Variants in ABCA10 observed in about 807,000 individuals in gnomAD.
ABCA10 encodes ATP binding cassette subfamily A member 10.
ABCA10 carries 169 observed loss-of-function variants against 187.5 expected under a neutral mutation model. That is an observed-to-expected ratio of 0.90 (90% CI 0.80 to 1.02). The LOEUF is 1.02. Among genes scored for constraint, ABCA10 ranks in the 50% least tolerant of loss-of-function variants. ABCA10 has a pLI of 0.00. For synonymous variants in ABCA10, 574 were observed against 601.8 expected, an observed-to-expected ratio of 0.95 and a Z score of 0.68; for missense variants, 1,727 against 1,812.4, an observed-to-expected ratio of 0.95 and a Z score of 0.86.
intron 1 of ABCA10, among the ~76,000 whole-genome samples, chr17:69,235,559 T>C (rs2074862711): frequency 6.6e-6 from 1 of 152,166 alleles, no homozygotes; most frequent in Non-Finnish European, 1.5e-5. Flanking sequence ...CTTCTTAGAC[T>C]GCCTTGCTGT....
At chr17:69,188,186 A>G (rs1323865652) in intron 18 of ABCA10, among the ~76,000 whole-genome samples, 2 of 152,166 alleles carry the variant, frequency 1.3e-5, no homozygotes, top group Admixed American at 6.5e-5. Flanking sequence ...GCAGAAGCAC[A>G]AAGACAAATT....
In ABCA10 at chr17:69,174,374, A is replaced by C; in HGVS notation, c.3069T>G (p.Cys1023Trp). The C allele has an allele frequency of 1.9e-6, 3 of 1,598,144 alleles. No homozygotes were observed. Among genetic ancestry groups the C allele is most frequent in the Non-Finnish European group, 2.6e-6 (3 of 1,175,352 alleles). ...ATGTGAGGAATATAAGAGAAACTGC[A>C]CAACCAATTATGCATACCACCTGCA... Reference protein sequence around the residue: ...MFVLVVCIIGCAVSLIFLTYV... With the variant: ...MFVLVVCIIGWAVSLIFLTYV... Residue 1023 changes from cysteine to tryptophan, a missense_variant, in exon 25 of 39, where the codon TGT (cysteine) becomes TGG (tryptophan). Transcript: ENST00000690296.
At chr17:69,225,773 A>G (rs983390963) in intron 2 of ABCA10, among the ~76,000 whole-genome samples, 3 of 152,094 alleles carry the variant, frequency 2.0e-5, no homozygotes, top group Non-Finnish European at 4.4e-5. Context: ...TAGCACCCCT[A>G]TTAGTGGGAC....
chr17:69,197,661 A>G (rs1182863694), intron 10 of ABCA10, among the ~76,000 whole-genome samples: 1 of 152,156 alleles, frequency 6.6e-6, no homozygotes, highest in African/African-American at 2.4e-5. Context: ...TCCTTATTTG[A>G]TATACTTCAT....
intron 25 of ABCA10, among the ~76,000 whole-genome samples, chr17:69,166,470 T>C (rs992744060): frequency 2.2e-4 from 34 of 152,190 alleles, no homozygotes; most frequent in African/African-American, 8.2e-4. Flanking sequence ...TATTTATGCA[T>C]CTGTCACTGT....
At chr17:69,201,786 A>G (rs1313468227) in intron 9 of ABCA10, 118 bp from the exon 10 acceptor site, 20 of 920,244 alleles carry the variant, frequency 2.2e-5, no homozygotes, top group Non-Finnish European at 3.0e-5. Context: ...GGGCATTTAT[A>G]TTTATAATTT....
chr17:69,176,821 A>G (rs981914975), intron 22 of ABCA10, among the ~76,000 whole-genome samples: 8 of 152,328 alleles, frequency 5.3e-5, no homozygotes, highest in Non-Finnish European at 8.8e-5. Flanking sequence ...TTTTTCAACC[A>G]TGGTTGACCA....
chr17:69,206,010 G>A (rs766112163), intron 9 of ABCA10, among the ~76,000 whole-genome samples: 35 of 152,084 alleles, frequency 2.3e-4, no homozygotes, highest in Non-Finnish European at 4.1e-4. Flanking sequence ...AATATCCCTA[G>A]AATTACCATA....
Position 69,182,680 on chromosome 17 carries a change from G to A in ABCA10, c.2626C>T (p.Gln876Ter), listed in dbSNP as rs749395115. Residue 876 changes from glutamine to a stop codon, truncating the protein, a stop_gained, in exon 21 of 39, where the codon CAG becomes TAG. Coordinates refer to ENST00000690296, the MANE Select transcript of ABCA10 (RefSeq NM_001377321.1). LOFTEE classifies it high-confidence loss of function. ...GTGCATAGAAGCAAACATACCTTCT[G>A]GTCACCAGACACTATGATGGCTCCA... is the stretch of plus-strand genomic sequence containing the variant. Reference protein sequence around the residue: ...YNGAIIVSGDQKDYRFSVACN... With the variant: ...YNGAIIVSGD 15 of 1,595,764 alleles carry A rather than the reference G, an allele frequency of 9.4e-6. No individual in the cohort carries two copies. In the East Asian group the frequency reaches 2.5e-4, roughly 26 times the overall value.
intron 27 of ABCA10, 87 bp downstream of exon 27, chr17:69,163,987 C>CA: frequency 1.0e-6 from 1 of 992,570 alleles, no homozygotes; most frequent in East Asian, 2.9e-5. Context: ...TATTTTAAGA[C>CA]ATTTAAATTT....
chr17:69,211,302 CATCATATATATGATATATATATATATAT>C (rs1457895368), intron 9 of ABCA10, among the ~76,000 whole-genome samples: 17 of 33,882 alleles, frequency 5.0e-4, no homozygotes, highest in African/African-American at 2.2e-3. Context: ...CATATATATA[CATCATATATATGATATATATATATATAT>C]ATATATATAT....
At chr17:69,167,234 C>G (rs1287700630) in intron 25 of ABCA10, among the ~76,000 whole-genome samples, 1 of 152,166 alleles carries the variant, frequency 6.6e-6, no homozygotes, top group Non-Finnish European at 1.5e-5. Context: ...CTCCCAAACA[C>G]ATCTCTAATC....
chr17:69,163,103 C>G lies in ABCA10; in HGVS notation c.3363+971G>C, dbSNP rs1266727433. On this transcript the variant is annotated intron_variant, in intron 27 of 38. Transcript: ENST00000690296. ...CCACCCACCTCGGCTTCCCAAAGCG[C>G]TGGGATTACAGGCGTGAGTCACTGC... is the stretch of plus-strand genomic sequence containing the variant. 3.3e-5 allele frequency among the ~76,000 whole-genome samples: 5 copies of G among 152,240 alleles called. No homozygotes were observed. The East Asian group carries it at 5.8e-4, about 18-fold the overall frequency.
intron 29 of ABCA10, 131 bp from the exon 30 acceptor site, chr17:69,155,267 T>A (rs1181105552): frequency 3.1e-6 from 2 of 636,896 alleles, no homozygotes; most frequent in Non-Finnish European, 5.3e-6. Context: ...TTAGCCTCTT[T>A]TTTCAAATAA....
intron 1 of ABCA10, among the ~76,000 whole-genome samples, chr17:69,235,780 AAG>A (rs1472692061): frequency 1.4e-5 from 2 of 147,846 alleles, no homozygotes. Flanking sequence ...ATTTAAAAAA[AAG>A]AAAACAAAAA....
At chr17:69,197,281 A>G (rs1264674766) in intron 10 of ABCA10, among the ~76,000 whole-genome samples, 159 bp from the exon 11 acceptor site, 2 of 152,066 alleles carry the variant, frequency 1.3e-5, no homozygotes, top group East Asian at 3.9e-4. Flanking sequence ...CCACTCCCAA[A>G]AGAGATTTAC....
chr17:69,193,455 A>T, intron 14 of ABCA10, 38 bp downstream of exon 14: 1 of 1,586,882 alleles, frequency 6.3e-7, no homozygotes, highest in Non-Finnish European at 8.6e-7. Flanking sequence ...TATATCCTTC[A>T]ATCTAAATTA....
upstream of ABCA10, chr17:69,233,499 A>G (rs1457793855): frequency 6.6e-5 from 10 of 152,090 alleles, no homozygotes; most frequent in African/African-American, 2.4e-4. Flanking sequence ...GATCTTCCTT[A>G]AAACAGCTAT....
Position 69,222,572 on chromosome 17 carries a change from A to G in ABCA10, c.160T>C (p.Tyr54His). ...FSYRLKFNWG[Y>H]RIPVIKEHSE... ...TGCTCCTTTATAACTGGGATTCTAT[A>G]TCCCCAATTAAACTTCAGGCGATAT... Residue 54 changes from tyrosine (Y) to histidine (H), a missense_variant, in exon 4 of 39, where the codon TAT becomes CAT. Physicochemically the swap from Tyr to His is moderately conservative, Grantham distance 83. Coordinates refer to ENST00000690296, the MANE Select transcript of ABCA10 (RefSeq NM_001377321.1). The G allele has an allele frequency of 6.3e-7, 1 of 1,594,512 alleles. No homozygotes were observed. Among genetic ancestry groups the G allele is most frequent in the Non-Finnish European group, 8.5e-7 (1 of 1,175,408 alleles).
Sources: allele counts gnomAD v4.1 joint callset (sites outside exome capture counted in the v4.1 genomes callset), GRCh38; gene constraint gnomAD v4.1.1; transcripts MANE v1.5; gene names NCBI Gene and HGNC (gene_info 2026-07-23, HGNC 2026-07-21).